LRRIQ3: variants seen among roughly 807,000 people sequenced by gnomAD.
LRRIQ3 encodes the protein leucine rich repeats and IQ motif containing 3.
In LRRIQ3, 75 loss-of-function variants were observed where a neutral mutation model predicts 59.3. The ratio of observed to expected loss-of-function variants is 1.26; its 90% confidence interval spans 1.05 to 1.53. The LOEUF is 1.53. LRRIQ3 is among the 40% of genes most tolerant of loss of function. The probability of loss-of-function intolerance (pLI) is 0.00; values close to 1 mark genes in which losing one functional copy is unlikely to be tolerated. For synonymous variants in LRRIQ3, 250 were observed against 231.3 expected, an observed-to-expected ratio of 1.08 and a Z score of -0.73; for missense variants, 831 against 710.0, an observed-to-expected ratio of 1.17 and a Z score of -1.94.
At chr1:74,069,612 A>C (rs1162720163) in intron 6 of LRRIQ3, among the ~76,000 whole-genome samples, 1 of 152,040 alleles carries the variant, frequency 6.6e-6, no homozygotes, top group African/African-American at 2.4e-5. Flanking sequence ...AATTTTGGAT[A>C]ATATTTATAG....
intron 3 of LRRIQ3, among the ~76,000 whole-genome samples, chr1:74,172,156 T>C (rs991256105): frequency 6.6e-6 from 1 of 152,116 alleles, no homozygotes; most frequent in Admixed American, 6.5e-5. Context: ...TTTAGTTTGT[T>C]AATTTTTCTA....
chr1:74,154,438 G>A (rs1004947779), intron 4 of LRRIQ3, among the ~76,000 whole-genome samples: 2 of 151,922 alleles, frequency 1.3e-5, no homozygotes, highest in Non-Finnish European at 2.9e-5. Flanking sequence ...ATGGAACAGA[G>A]CTTTAAAGAG....
At chr1:74,051,565 C>T (rs1394980301) in intron 6 of LRRIQ3, among the ~76,000 whole-genome samples, 2 of 151,614 alleles carry the variant, frequency 1.3e-5, no homozygotes, top group African/African-American at 4.9e-5. Flanking sequence ...GTTGTGCAAC[C>T]ATAAGTTATC....
chr1:74,057,222 T>G (rs558417468), intron 6 of LRRIQ3, among the ~76,000 whole-genome samples: 1 of 152,130 alleles, frequency 6.6e-6, no homozygotes, highest in Non-Finnish European at 1.5e-5. Context: ...TAGAAAAAAA[T>G]TCCCCAAATT....
intron 3 of LRRIQ3, among the ~76,000 whole-genome samples, chr1:74,177,373 G>T (rs1649708092): frequency 2.0e-5 from 3 of 152,094 alleles, no homozygotes; most frequent in African/African-American, 7.2e-5. Context: ...CAAGCTTGCA[G>T]ACAGCCTATT....
chr1:74,152,959 G>A (rs1448982660), intron 4 of LRRIQ3, among the ~76,000 whole-genome samples: 1 of 152,022 alleles, frequency 6.6e-6, no homozygotes. Context: ...AACTCTTAAT[G>A]TTTCATCTGT....
intron 7 of LRRIQ3, among the ~76,000 whole-genome samples, chr1:74,031,946 C>A (rs1653731757): frequency 6.6e-6 from 1 of 151,462 alleles, no homozygotes; most frequent in Non-Finnish European, 1.5e-5. Context: ...AGGTCTATAC[C>A]TAAAAATGAT....
At chr1:74,058,317 C>A (rs570121067) in intron 6 of LRRIQ3, among the ~76,000 whole-genome samples, 1 of 152,068 alleles carries the variant, frequency 6.6e-6, no homozygotes, top group South Asian at 2.1e-4. Flanking sequence ...ATGGAATAAA[C>A]CTTTGTTCAT....
At chr1:74,194,474 A>ACCC (rs948172610) in intron 1 of LRRIQ3, among the ~76,000 whole-genome samples, 1 of 152,170 alleles carries the variant, frequency 6.6e-6, no homozygotes. Context: ...ATCAGAATTC[A>ACCC]TTTGTAATTA....
intron 4 of LRRIQ3, among the ~76,000 whole-genome samples, chr1:74,126,613 G>A (rs916737005): frequency 1.3e-5 from 2 of 151,874 alleles, no homozygotes; most frequent in South Asian, 4.2e-4. Flanking sequence ...TTGACCCACT[G>A]GTCATTCAGG....
intron 4 of LRRIQ3, among the ~76,000 whole-genome samples, chr1:74,152,073 T>TA (rs1311389522): frequency 1.3e-5 from 2 of 151,254 alleles, no homozygotes; most frequent in Non-Finnish European, 3.0e-5. Context: ...GTGAACCTTA[T>TA]AAAAAATAAA....
chr1:74,050,469 T>G, intron 6 of LRRIQ3: 7 of 956,326 alleles, frequency 7.3e-6, no homozygotes, highest in Non-Finnish European at 7.5e-6. Flanking sequence ...TCTGAACAGA[T>G]AGTTGGATCT....
intron 4 of LRRIQ3, among the ~76,000 whole-genome samples, chr1:74,148,986 G>A (rs1647752616): frequency 6.6e-6 from 1 of 152,074 alleles, no homozygotes; most frequent in Non-Finnish European, 1.5e-5. Context: ...CTTTTAGTCG[G>A]TTAATATAAG....
intron 4 of LRRIQ3, among the ~76,000 whole-genome samples, chr1:74,123,023 T>G (rs1646882506): frequency 6.6e-6 from 1 of 152,176 alleles, no homozygotes; most frequent in Admixed American, 6.6e-5. Flanking sequence ...CATTAGTCTT[T>G]TGAGAGAATA....
rs560320591 is a variant in LRRIQ3, at chr1:74,147,567, A to C, written c.707+8166T>G. Among the ~76,000 whole-genome samples, 6 of 152,314 alleles carry C rather than the reference A, an allele frequency of 3.9e-5. No individual in the cohort carries two copies. The South Asian group carries it at 1.2e-3, about 32-fold the overall frequency. ...CCAATATCAACCCAATGTCCATAAA[A>C]TAAAGTGAAAGTGTCAGAAATATTA... is the stretch of plus-strand genomic sequence containing the variant. On this transcript the variant is annotated intron_variant, in intron 4 of 7. Transcript: ENST00000354431.
chr1:74,120,030 A>G (rs943285732), intron 4 of LRRIQ3, among the ~76,000 whole-genome samples: 3 of 152,008 alleles, frequency 2.0e-5, no homozygotes, highest in Non-Finnish European at 2.9e-5. Flanking sequence ...GAATTCTCAC[A>G]CAGAAATATG....
chr1:74,134,733 AC>A (rs1647091579), intron 4 of LRRIQ3, among the ~76,000 whole-genome samples: 1 of 151,920 alleles, frequency 6.6e-6, no homozygotes, highest in African/African-American at 2.4e-5. Context: ...TAGAGCAACC[AC>A]TGAGAAAATA....
chr1:74,177,961 G>A (rs1372990535), intron 3 of LRRIQ3, among the ~76,000 whole-genome samples: 1 of 151,822 alleles, frequency 6.6e-6, no homozygotes, highest in Non-Finnish European at 1.5e-5. Context: ...TATGGTATAT[G>A]TTTTTGCATA....
At chr1:74,050,162 T>G (rs1303714965) in intron 6 of LRRIQ3, among the ~76,000 whole-genome samples, 1 of 151,982 alleles carries the variant, frequency 6.6e-6, no homozygotes, top group Non-Finnish European at 1.5e-5. Flanking sequence ...GACCTCATGA[T>G]CTGCCCACCT....
Sources: gnomAD v4.1 joint callset for allele counts (sites outside exome capture counted in the v4.1 genomes callset) on GRCh38, gnomAD v4.1.1 for gene constraint, MANE v1.5 for transcripts, NCBI Gene and HGNC (gene_info 2026-07-23, HGNC 2026-07-21) for gene names.